The following CDC123 variants were observed in gnomAD, a reference collection of about 807,000 sequenced individuals.
CDC123 encodes translation initiation factor eIF2 assembly protein.
In CDC123, 37 loss-of-function variants were observed where a neutral mutation model predicts 54.4. The observed-to-expected ratio is 0.68, with a 90% CI of 0.52 to 0.89. The LOEUF (loss-of-function observed/expected upper bound fraction) is 0.89. Ranked by LOEUF, CDC123 falls within the 40% of genes least tolerant of loss-of-function variation. The pLI is 0.00. For synonymous variants in CDC123, 144 were observed against 136.8 expected (o/e 1.05, Z -0.37); for missense variants, 361 against 412.1 (o/e 0.88, Z 1.07).
chr10:12,208,681 G>A (rs1185546454), intron 2 of CDC123, among the ~76,000 whole-genome samples: 1 of 152,146 alleles, frequency 6.6e-6, no homozygotes, highest in Admixed American at 6.6e-5. Flanking sequence ...GGTAATAGCT[G>A]GGCATGGAAA....
At chr10:12,231,212 A>G (rs1340224686) in intron 7 of CDC123, among the ~76,000 whole-genome samples, 3 of 152,240 alleles carry the variant, frequency 2.0e-5, no homozygotes. Context: ...TACACTTGCT[A>G]CAGGATATAC....
chr10:12,224,676 C>A (rs781269448), intron 6 of CDC123, among the ~76,000 whole-genome samples: 1 of 152,146 alleles, frequency 6.6e-6, no homozygotes, highest in East Asian at 1.9e-4. Flanking sequence ...TTGAATACCA[C>A]GTTCTTTTGG....
At chr10:12,197,338 G>A (rs1303631688) in intron 1 of CDC123, among the ~76,000 whole-genome samples, 6 of 151,924 alleles carry the variant, frequency 3.9e-5, no homozygotes, top group African/African-American at 1.2e-4. Context: ...ATTTTCAAAC[G>A]TAATAAGATT....
At chr10:12,210,198 T>G (rs1215556521) in intron 3 of CDC123, 92 bp from the exon 4 acceptor site, 1 of 1,514,960 alleles carries the variant, frequency 6.6e-7, no homozygotes, top group East Asian at 2.4e-5. Flanking sequence ...TGTCTCCTGT[T>G]TGATTTATAA....
At chr10:12,250,042 CAA>C (rs60260043) in intron 12 of CDC123, 249 of 473,050 alleles carry the variant, frequency 5.3e-4, no homozygotes, top group African/African-American at 4.6e-3. Flanking sequence ...TGATTTTACT[CAA>C]GAGGGGATGT....
chr10:12,215,742 A>C lies in CDC123; in HGVS notation c.240A>C (p.Ala80=). Residue 80 remains alanine (A), a splice_region_variant and synonymous_variant, in exon 5 of 13, where the codon GCA becomes GCC. Transcript: ENST00000281141. ...SDDENTATLT[A]PEFPEFATKV... The stretch of plus-strand genomic sequence containing the variant: ...AATGATTTCTTCTCTCTCTGTAGGC[A>C]CCAGAATTTCCTGAGTTTGCCACTA... 6.2e-7 allele frequency: 1 copy of C among 1,604,434 alleles called. No homozygotes were observed.
chr10:12,233,877 A>C (rs981265020), intron 7 of CDC123, among the ~76,000 whole-genome samples: 1 of 151,974 alleles, frequency 6.6e-6, no homozygotes, highest in South Asian at 2.1e-4. Context: ...ATGAGAGTTT[A>C]TATCTATTAA....
In CDC123 at chr10:12,232,195, T is replaced by C. The variant is rs1382919300; in HGVS notation, c.489+1199T>C. 2.0e-5 allele frequency among the ~76,000 whole-genome samples: 3 copies of C among 152,116 alleles called. No individual in the cohort carries two copies. The South Asian group carries it at 6.2e-4, about 32-fold the overall frequency. ...TTTCAACTCCGATTCCTGGTCCTTC[T>C]TCCACTTGCACTGTCAAAATGCAAA... On this transcript the variant is annotated intron_variant, in intron 7 of 12. Transcript: ENST00000281141.
intron 2 of CDC123, among the ~76,000 whole-genome samples, chr10:12,206,171 G>A (rs1835516617): frequency 6.6e-6 from 1 of 152,174 alleles, no homozygotes. Flanking sequence ...AGTAGGCACT[G>A]CAATAATTTC....
intron 6 of CDC123, among the ~76,000 whole-genome samples, chr10:12,220,078 G>T (rs567762886): frequency 6.6e-6 from 1 of 152,130 alleles, no homozygotes; most frequent in East Asian, 1.9e-4. Flanking sequence ...TGATCCGCCC[G>T]CCTTGGCTTC....
chr10:12,232,557 C>G (rs1235939763), intron 7 of CDC123, among the ~76,000 whole-genome samples: 2 of 152,090 alleles, frequency 1.3e-5, no homozygotes, highest in Non-Finnish European at 2.9e-5. Context: ...ACCAAGCCAC[C>G]AATTACTAGA....
intron 6 of CDC123, among the ~76,000 whole-genome samples, chr10:12,226,693 C>T (rs970253631): frequency 9.4e-5 from 14 of 149,372 alleles, no homozygotes; most frequent in Admixed American, 4.7e-4. Flanking sequence ...ACATCTCAGA[C>T]GATGGGTGGC....
chr10:12,206,877 T>C (rs1324239423), intron 2 of CDC123, among the ~76,000 whole-genome samples: 1 of 148,534 alleles, frequency 6.7e-6, no homozygotes, highest in Non-Finnish European at 1.5e-5. Context: ...GAGAATGGCC[T>C]GAACCCGGGA....
In CDC123 at chr10:12,249,607, C is replaced by T. The variant is rs139149710; in HGVS notation, c.873C>T (p.Asn291=). The T allele has an allele frequency of 6.2e-7, 1 of 1,613,726 alleles. No homozygotes were observed. The highest frequency in any genetic ancestry group is 1.3e-5 in the African/African-American group (1 of 74,910). Residue 291 remains asparagine (N), a synonymous_variant, in exon 12 of 13, where the codon AAC becomes AAT. Coordinates refer to ENST00000281141, the MANE Select transcript of CDC123 (RefSeq NM_006023.3). Reference sequence around the variant, plus strand: ...ATTCCCCAGCTTTCCGTTGCACAAACAGTGAAGTGACAGTCCAGCCCAGCC... The same window carrying T: ...ATTCCCCAGCTTTCCGTTGCACAAATAGTGAAGTGACAGTCCAGCCCAGCC... ...EQDSPAFRCT[N]SEVTVQPSPY...
intron 6 of CDC123, among the ~76,000 whole-genome samples, chr10:12,218,888 G>T (rs1279394967): frequency 1.3e-5 from 2 of 152,182 alleles, no homozygotes; most frequent in Non-Finnish European, 2.9e-5. Flanking sequence ...TGCTTCTTTT[G>T]TTGTCTTCAA....
chr10:12,212,137 A>G (rs548593862), intron 4 of CDC123, among the ~76,000 whole-genome samples: 3 of 152,190 alleles, frequency 2.0e-5, no homozygotes, highest in Non-Finnish European at 4.4e-5. Flanking sequence ...AGATACAGCA[A>G]TTAATAATAT....
chr10:12,217,019 T>C (rs1013983224), intron 5 of CDC123, among the ~76,000 whole-genome samples: 1 of 152,240 alleles, frequency 6.6e-6, no homozygotes. Flanking sequence ...CTGGTCAGGC[T>C]ATTTCTTTAC....
At chr10:12,233,832 T>C (rs1335249760) in intron 7 of CDC123, among the ~76,000 whole-genome samples, 1 of 152,006 alleles carries the variant, frequency 6.6e-6, no homozygotes, top group Non-Finnish European at 1.5e-5. Flanking sequence ...CACCTGAAAT[T>C]TTCCTGATTT....
intron 11 of CDC123, among the ~76,000 whole-genome samples, chr10:12,249,087 C>T (rs1836200277): frequency 1.3e-5 from 2 of 150,848 alleles, no homozygotes; most frequent in South Asian, 4.2e-4. Context: ...AGAGATCGTG[C>T]CCCTGCACTC....
Sources: allele counts gnomAD v4.1 joint callset (sites outside exome capture counted in the v4.1 genomes callset), GRCh38; gene constraint gnomAD v4.1.1; transcripts MANE v1.5; gene names NCBI Gene and HGNC (gene_info 2026-07-23, HGNC 2026-07-21).